HOXA3: variants seen among roughly 807,000 people sequenced by gnomAD.
HOXA3 encodes the protein homeobox protein Hox-A3.
In HOXA3, 8 loss-of-function variants were observed where a neutral mutation model predicts 30.3. The ratio of observed to expected loss-of-function variants is 0.26; its 90% CI spans 0.15 to 0.48. The LOEUF (loss-of-function observed/expected upper bound fraction) is 0.48. HOXA3 is among the 20% of genes least tolerant of loss of function. HOXA3 has a pLI of 0.99. For missense variants in HOXA3, 653 were observed against 614.4 expected (o/e 1.06, Z -0.66); for synonymous variants, 323 against 273.1 (o/e 1.18, Z -1.80).
At chr7:27,131,885 AAT>A (rs1785572578) in intron 2 of HOXA3, among the ~76,000 whole-genome samples, 1 of 152,242 alleles carries the variant, frequency 6.6e-6, no homozygotes, top group Non-Finnish European at 1.5e-5. Context: ...GACAGTCTAT[AAT>A]TTCTGAATTG....
At chr7:27,143,480 C>T in intron 1 of HOXA3, 1 of 1,613,852 alleles carries the variant, frequency 6.2e-7, no homozygotes. Flanking sequence ...GCCGTACCTG[C>T]CGGAGTGCAT....
intron 4 of HOXA3, among the ~76,000 whole-genome samples, chr7:27,121,557 AT>A (rs1200356376): frequency 6.6e-6 from 1 of 152,222 alleles, no homozygotes; most frequent in African/African-American, 2.4e-5. Context: ...GGAAAAAATA[AT>A]TGTATCCAGA....
At chr7:27,111,931 CAG>C (rs1554336261) in intron 4 of HOXA3, among the ~76,000 whole-genome samples, 1 of 152,166 alleles carries the variant, frequency 6.6e-6, no homozygotes, top group Non-Finnish European at 1.5e-5. Flanking sequence ...AAAATCCTGC[CAG>C]AGTTTCCTGA....
rs1392744918 is a variant in HOXA3, at chr7:27,145,550, G to A, written c.-493-5364C>T. On this transcript the variant is annotated intron_variant, in intron 1 of 5. Transcript: ENST00000612286. ...AAGCTCCGGGCTCCCCTGAAGCTGC[G>A]GAAGCCCCCAGATGGGAGCAGGCGG... 12 of 1,394,396 alleles carry A rather than the reference G, an allele frequency of 8.6e-6. No individual in the cohort carries two copies. The South Asian group carries it at 9.6e-5, about 11-fold the overall frequency. The allele number at this position is 1,394,396 out of a possible 1,614,324, so 86.4% of individuals were successfully genotyped here. A position where few individuals can be genotyped will look rare whatever the true frequency, so the allele number is the denominator to read the frequency against.
chr7:27,127,918 T>C (rs929249), intron 2 of HOXA3, among the ~76,000 whole-genome samples: 21,642 of 152,166 alleles, frequency 0.14, 1,894 homozygotes, highest in African/African-American at 0.23. Flanking sequence ...TTGAAAGCTC[T>C]TTCTTCAAAA....
At chr7:27,129,242 C>T (rs754059732) in intron 2 of HOXA3, 3 of 1,369,290 alleles carry the variant, frequency 2.2e-6, no homozygotes, top group South Asian at 1.2e-5. Context: ...GAGGAGGGAA[C>T]GGGTGTGGAG....
At chr7:27,151,286 A>G (rs1424556692) in intron 1 of HOXA3, 1 of 297,854 alleles carries the variant, frequency 3.4e-6, no homozygotes, top group African/African-American at 2.2e-5. Flanking sequence ...AGGCCGAGCT[A>G]CAGTTCGAGC....
At chr7:27,134,682 C>T (rs1785662339) in intron 2 of HOXA3, among the ~76,000 whole-genome samples, 1 of 152,192 alleles carries the variant, frequency 6.6e-6, no homozygotes, top group Admixed American at 6.5e-5. Context: ...CTGGCAAACC[C>T]CCATTTGGCT....
intron 2 of HOXA3, among the ~76,000 whole-genome samples, chr7:27,139,686 G>C (rs1307537466): frequency 6.6e-6 from 1 of 152,082 alleles, no homozygotes; most frequent in Admixed American, 6.5e-5. Context: ...CCGACCCCAG[G>C]GCTCCGCGAC....
In HOXA3 at chr7:27,152,271, C is replaced by T; in HGVS notation, c.-494+17G>A. On this transcript the variant is annotated intron_variant, in intron 1 of 5. Transcript: ENST00000612286. ...GCCTCACCACCTTTGCTCCTATCTC[C>T]TCCCCACATGTCTCACCTTCAGACG... is the stretch of plus-strand genomic sequence containing the variant. 7.8e-7 allele frequency: 1 copy of T among 1,278,734 alleles called. No individual in the cohort carries two copies. Among genetic ancestry groups the T allele is most frequent in the South Asian group, 1.3e-5 (1 of 79,954 alleles). 79.2% of individuals were successfully genotyped at this position (1,278,734 alleles called of 1,614,324 possible). A position where few individuals can be genotyped will look rare whatever the true frequency, so the allele number is the denominator to read the frequency against.
At chr7:27,141,454 T>C in intron 1 of HOXA3, 1 of 200,170 alleles carries the variant, frequency 5.0e-6, no homozygotes, top group South Asian at 9.3e-5. Context: ...TCCACGCACA[T>C]GCACAGTTAA....
chr7:27,136,355 C>G (rs1482517879), intron 2 of HOXA3, among the ~76,000 whole-genome samples: 1 of 152,164 alleles, frequency 6.6e-6, no homozygotes, highest in African/African-American at 2.4e-5. Flanking sequence ...CACCTAGGAA[C>G]TAGATTAACT....
intron 4 of HOXA3, among the ~76,000 whole-genome samples, 156 bp from the exon 5 acceptor site, chr7:27,110,916 C>G (rs1018759498): frequency 6.6e-6 from 1 of 152,210 alleles, no homozygotes; most frequent in African/African-American, 2.4e-5. Context: ...TATAAAAAAC[C>G]GCTGGAATTT....
intron 4 of HOXA3, among the ~76,000 whole-genome samples, chr7:27,120,372 C>T (rs1052996822): frequency 1.3e-5 from 2 of 151,914 alleles, no homozygotes; most frequent in Non-Finnish European, 2.9e-5. Flanking sequence ...GCAACCCCGT[C>T]TGTACTAAAA....
At chr7:27,149,027 G>C (rs1162148686) in intron 1 of HOXA3, among the ~76,000 whole-genome samples, 1 of 152,232 alleles carries the variant, frequency 6.6e-6, no homozygotes, top group Non-Finnish European at 1.5e-5. Flanking sequence ...CCGGAACCGG[G>C]AATAGTCTCA....
At chr7:27,151,222 T>C (rs1191350676) in intron 1 of HOXA3, 1 of 179,066 alleles carries the variant, frequency 5.6e-6, no homozygotes. Context: ...CTCGGACTCT[T>C]TTCTTGTCGC....
chr7:27,138,859 A>G (rs979203597), intron 2 of HOXA3, among the ~76,000 whole-genome samples: 1 of 152,222 alleles, frequency 6.6e-6, no homozygotes, highest in African/African-American at 2.4e-5. Context: ...CAAAGGACCA[A>G]TTTCTTCCCT....
chr7:27,141,659 C>A (rs1203689148), intron 1 of HOXA3: 18 of 681,482 alleles, frequency 2.6e-5, no homozygotes, highest in Non-Finnish European at 4.3e-5. Context: ...GAAAGCAGAT[C>A]TACTTATACA....
chr7:27,130,479 A>C (rs1261423195), intron 2 of HOXA3: 14 of 1,260,608 alleles, frequency 1.1e-5, no homozygotes, highest in Non-Finnish European at 1.4e-5. Flanking sequence ...GCGCGGCAGC[A>C]GGGTAGGCGG....
Sources: allele counts gnomAD v4.1 joint callset (sites outside exome capture counted in the v4.1 genomes callset), GRCh38; gene constraint gnomAD v4.1.1; transcripts MANE v1.5; gene names NCBI Gene and HGNC (gene_info 2026-07-23, HGNC 2026-07-21).